Variants in STS observed in about 807,000 individuals in gnomAD.
The protein encoded by STS is steryl-sulfatase.
STS carries 7 observed loss-of-function variants against 26.8 expected under a neutral mutation model. The ratio of observed to expected loss-of-function variants is 0.26; its 90% CI spans 0.15 to 0.49. The LOEUF (loss-of-function observed/expected upper bound fraction) is 0.49. Among genes scored for constraint, STS ranks in the 20% least tolerant of loss-of-function variants. The pLI is 0.98. For synonymous variants in STS, 199 were observed against 189.4 expected (o/e 1.05, Z -0.42); for missense variants, 434 against 465.6 (o/e 0.93, Z 0.63).
intron 1 of STS, among the ~76,000 whole-genome samples, chrX:7,174,083 A>G (rs895516249): frequency 8.9e-5 from 10 of 111,853 alleles, no homozygotes; most frequent in African/African-American, 3.3e-4. Flanking sequence ...CTCAAACATG[A>G]AATATCTGCA....
intron 2 of STS, among the ~76,000 whole-genome samples, chrX:7,209,970 G>A (rs767555327): frequency 1.1e-3 from 121 of 111,447 alleles, no homozygotes; most frequent in Non-Finnish European, 1.8e-3. Context: ...CCTTTTTATG[G>A]CTGTGTAGTA....
intron 1 of STS, among the ~76,000 whole-genome samples, chrX:7,166,062 CA>C (rs1224819414): frequency 1.9e-5 from 2 of 104,371 alleles, no homozygotes; most frequent in African/African-American, 3.6e-5. Flanking sequence ...GGCTGTAGTG[CA>C]GTGGCGTGAT....
At chrX:7,195,343 T>C (rs1310173682) in intron 2 of STS, among the ~76,000 whole-genome samples, 1 of 111,992 alleles carries the variant, frequency 8.9e-6, no homozygotes, top group East Asian at 2.8e-4. Context: ...TCTCAGGATT[T>C]ATAGACATAG....
intron 7 of STS, among the ~76,000 whole-genome samples, chrX:7,291,039 C>T (rs1207466776): frequency 1.8e-5 from 2 of 111,534 alleles, no homozygotes; most frequent in African/African-American, 3.3e-5. Flanking sequence ...GGCACAATTT[C>T]GTGTGTTCGA....
At chrX:7,272,586 A>T (rs1924336633) in intron 6 of STS, among the ~76,000 whole-genome samples, 1 of 111,998 alleles carries the variant, frequency 8.9e-6, no homozygotes. Context: ...AACATAAACC[A>T]TTCACAATGC....
chrX:7,262,398 A>G (rs1438714187), intron 6 of STS, among the ~76,000 whole-genome samples: 3 of 111,371 alleles, frequency 2.7e-5, no homozygotes, highest in African/African-American at 9.8e-5. Flanking sequence ...CCCAGGGGTC[A>G]GCATGTAGAC....
At chrX:7,259,235 C>T (rs1923598848) in intron 5 of STS, 114 bp from the exon 6 acceptor site, 2 of 820,821 alleles carry the variant, frequency 2.4e-6, no homozygotes, top group African/African-American at 4.0e-5. Flanking sequence ...AGCGGGAAGG[C>T]TAGCTTCATG....
chrX:7,232,920 C>T (rs1472805328), intron 2 of STS, among the ~76,000 whole-genome samples: 1 of 110,521 alleles, frequency 9.0e-6, no homozygotes, highest in African/African-American at 3.3e-5. Context: ...GGCTTCCCCC[C>T]ACTTCGTTCT....
At chrX:7,242,874 G>A (rs1384469117) in intron 2 of STS, among the ~76,000 whole-genome samples, 1 of 111,341 alleles carries the variant, frequency 9.0e-6, no homozygotes, top group Admixed American at 9.6e-5. Flanking sequence ...GGGTGACTGT[G>A]TGTCTCATAC....
intron 2 of STS, among the ~76,000 whole-genome samples, chrX:7,239,250 A>G (rs1287593550): frequency 8.9e-6 from 1 of 112,026 alleles, no homozygotes; most frequent in Non-Finnish European, 1.9e-5. Flanking sequence ...TCCTCATGTC[A>G]GACTATTTTT....
At chrX:7,158,966 G>A (rs1933188231) in intron 1 of STS, among the ~76,000 whole-genome samples, 1 of 111,444 alleles carries the variant, frequency 9.0e-6, no homozygotes, top group Admixed American at 9.6e-5. Context: ...GTTTCAGCAT[G>A]CCCAAATCCT....
chrX:7,263,878 A>C (rs1209306564), intron 6 of STS, among the ~76,000 whole-genome samples: 2 of 111,423 alleles, frequency 1.8e-5, no homozygotes, highest in African/African-American at 6.5e-5. Flanking sequence ...CAAAGAGATA[A>C]ATTATTGAAA....
chrX:7,215,041 AC>A (rs199835992), intron 2 of STS, among the ~76,000 whole-genome samples: 44 of 42,887 alleles, frequency 1.0e-3, no homozygotes, highest in Middle Eastern at 0.019. Flanking sequence ...GTATATATAT[AC>A]ATATATATAC....
At chrX:7,279,375 GTGTA>G (rs1240885147) in intron 7 of STS, among the ~76,000 whole-genome samples, 2 of 84,495 alleles carry the variant, frequency 2.4e-5, no homozygotes, top group Non-Finnish European at 4.7e-5. Context: ...GTGTGTGTGT[GTGTA>G]TATATATGTG....
In STS at chrX:7,324,397, A is replaced by G. The variant is rs1601745982; in HGVS notation, c.1082-942A>G. On this transcript the variant is annotated intron_variant, in intron 8 of 10. Coordinates refer to ENST00000674429, the MANE Select transcript of STS (RefSeq NM_001320752.2). Reference sequence around the variant, plus strand: ...TTCTTATCAGACTTTAAAAGATACCAGACTCTTGGTCAGTTCTCTCCCGGA... The same window carrying G: ...TTCTTATCAGACTTTAAAAGATACCGGACTCTTGGTCAGTTCTCTCCCGGA... 3.6e-5 allele frequency among the ~76,000 whole-genome samples: 4 copies of G among 111,721 alleles called. No individual in the cohort carries two copies. The South Asian group carries it at 1.5e-3, about 43-fold the overall frequency.
chrX:7,273,506 C>T (rs1924384946), intron 6 of STS, among the ~76,000 whole-genome samples: 1 of 111,772 alleles, frequency 8.9e-6, no homozygotes, highest in Non-Finnish European at 1.9e-5. Context: ...CTAGCACTCC[C>T]ATTCCAGAGA....
chrX:7,344,687 A>G (rs1296044954), intron 10 of STS, among the ~76,000 whole-genome samples: 1 of 111,707 alleles, frequency 9.0e-6, no homozygotes, highest in Non-Finnish European at 1.9e-5. Flanking sequence ...ATTATCCCCA[A>G]AAAGGAGGTG....
chrX:7,333,965 G>T (rs1434111675), intron 9 of STS, 21 bp from the exon 10 acceptor site: 6 of 1,211,191 alleles, frequency 5.0e-6, no homozygotes, highest in Non-Finnish European at 6.7e-6. Context: ...ACGTCTTGAT[G>T]CCTGGCTGTT....
rs776529401 is a variant in STS, at chrX:7,323,260, G to A, written c.1082-2079G>A. On this transcript the variant is annotated intron_variant, in intron 8 of 10. Coordinates refer to ENST00000674429, the MANE Select transcript of STS (RefSeq NM_001320752.2). ...TTTAATTTTTAGATTCAGTGGGTAC[G>A]TGTGCTGGTGTGTTACATGGGTATA... Among the ~76,000 whole-genome samples, 145 of 109,629 alleles carry A rather than the reference G, an allele frequency of 1.3e-3. 1 individual carries two copies. Among genetic ancestry groups the A allele is most frequent in the African/African-American group, 4.6e-3 (139 of 30,037 alleles).
Sources: gnomAD v4.1 joint callset for allele counts (sites outside exome capture counted in the v4.1 genomes callset) on GRCh38, gnomAD v4.1.1 for gene constraint, MANE v1.5 for transcripts, NCBI Gene and HGNC (gene_info 2026-07-23, HGNC 2026-07-21) for gene names.